The following SULT4A1 variants were observed in gnomAD, a reference collection of about 807,000 sequenced individuals.
The protein encoded by SULT4A1 is sulfotransferase 4A1.
Under a neutral mutation model 35.2 loss-of-function variants are expected in SULT4A1, and 11 were observed. The ratio of observed to expected loss-of-function variants is 0.31; its 90% CI spans 0.20 to 0.52. The LOEUF (loss-of-function observed/expected upper bound fraction) is 0.52. SULT4A1 is among the 20% of genes least tolerant of loss of function. SULT4A1 has a pLI of 0.97. For synonymous variants in SULT4A1, 152 were observed against 151.8 expected (o/e 1.00, Z -0.01); for missense variants, 271 against 383.7 (o/e 0.71, Z 2.45).
intron 4 of SULT4A1, among the ~76,000 whole-genome samples, chr22:43,834,229 G>A (rs984017433): frequency 6.6e-6 from 1 of 152,070 alleles, no homozygotes; most frequent in African/African-American, 2.4e-5. Flanking sequence ...AGCTGAAGAC[G>A]GGCAGGGAGT....
chr22:43,856,817 T>A (rs1413204199), intron 1 of SULT4A1, among the ~76,000 whole-genome samples: 1 of 152,094 alleles, frequency 6.6e-6, no homozygotes, highest in African/African-American at 2.4e-5. Context: ...CAATTCCTTA[T>A]ACTAATGGCC....
intron 1 of SULT4A1, among the ~76,000 whole-genome samples, chr22:43,860,970 G>A (rs911653582): frequency 2.1e-4 from 32 of 152,114 alleles, no homozygotes; most frequent in African/African-American, 7.0e-4. Context: ...CTGAAAAAAA[G>A]GTGTAAGAGT....
chr22:43,836,090 G>A (rs1374090394), intron 4 of SULT4A1, among the ~76,000 whole-genome samples: 8 of 152,272 alleles, frequency 5.3e-5, no homozygotes, highest in Admixed American at 2.0e-4. Flanking sequence ...GAGAAGACAC[G>A]GTCACAGAGG....
chr22:43,843,579 C>T (rs1021833753), intron 1 of SULT4A1, among the ~76,000 whole-genome samples: 1 of 152,234 alleles, frequency 6.6e-6, no homozygotes, highest in Non-Finnish European at 1.5e-5. Context: ...TTTGTCCAGT[C>T]CCATTTCTAC....
At chr22:43,851,890 G>T (rs1046457221) in intron 1 of SULT4A1, among the ~76,000 whole-genome samples, 11 of 152,132 alleles carry the variant, frequency 7.2e-5, no homozygotes, top group Non-Finnish European at 5.9e-5. Context: ...GTTCCCACCT[G>T]GCCACCCTCA....
Position 43,832,037 on chromosome 22 carries a change from G to A in SULT4A1, c.603+1603C>T, listed in dbSNP as rs546897767. On this transcript the variant is annotated intron_variant, in intron 5 of 6. Coordinates refer to ENST00000330884, the MANE Select transcript of SULT4A1 (RefSeq NM_014351.4). ...TCCCCACTTTACAGAGGCTTGGGGT[G>A]GTCAGGACTTTGGCCTGAGCAGCCA... Among the ~76,000 whole-genome samples, 6 of 152,302 alleles carry A rather than the reference G, an allele frequency of 3.9e-5. No individual in the cohort carries two copies. The South Asian group carries it at 1.0e-3, about 26-fold the overall frequency.
chr22:43,842,045 C>G, intron 1 of SULT4A1, 113 bp from the exon 2 acceptor site: 1 of 1,446,500 alleles, frequency 6.9e-7, no homozygotes, highest in East Asian at 2.5e-5. Flanking sequence ...CAGGTGGGGC[C>G]CAGGGCGACT....
intron 5 of SULT4A1, among the ~76,000 whole-genome samples, chr22:43,833,230 A>G (rs1407176665): frequency 6.6e-6 from 1 of 151,624 alleles, no homozygotes; most frequent in East Asian, 1.9e-4. Flanking sequence ...CTTTCTCCCA[A>G]CACCTAGAAA....
chr22:43,856,760 C>T (rs895437969), intron 1 of SULT4A1, among the ~76,000 whole-genome samples: 7 of 152,158 alleles, frequency 4.6e-5, no homozygotes. Context: ...TCAAGGTAAT[C>T]AGATCAACAC....
At chr22:43,861,435 C>T (rs1212340345) in intron 1 of SULT4A1, among the ~76,000 whole-genome samples, 2 of 152,216 alleles carry the variant, frequency 1.3e-5, no homozygotes, top group East Asian at 3.8e-4. Context: ...CAATCTCCTA[C>T]CTCAGGTCTG....
chr22:43,843,907 C>T (rs1035947207), intron 1 of SULT4A1, among the ~76,000 whole-genome samples: 3 of 152,182 alleles, frequency 2.0e-5, no homozygotes, highest in Admixed American at 6.5e-5. Flanking sequence ...GGGTGAGACA[C>T]ACAGGCAAAA....
intron 1 of SULT4A1, among the ~76,000 whole-genome samples, chr22:43,859,908 C>T (rs907582635): frequency 5.9e-5 from 9 of 152,212 alleles, no homozygotes; most frequent in African/African-American, 1.7e-4. Context: ...GAGGGTCCTA[C>T]GCTGGAGAGC....
At chr22:43,839,871 T>C in intron 3 of SULT4A1, 74 bp downstream of exon 3, 2 of 1,394,960 alleles carry the variant, frequency 1.4e-6, no homozygotes, top group Non-Finnish European at 2.0e-6. Flanking sequence ...GGGACCTGCA[T>C]GTGTATTGCA....
At position 43,837,432 on chromosome 22, in the gene SULT4A1, C is replaced by T. The variant is rs539262713; in HGVS notation, c.508+1435G>A. Among the ~76,000 whole-genome samples the T allele has an allele frequency of 2.0e-5, 3 of 152,284 alleles. No individual in the cohort carries two copies. In the South Asian group the frequency reaches 6.2e-4, roughly 32 times the overall value. On this transcript the variant is annotated intron_variant, in intron 4 of 6. Coordinates refer to ENST00000330884, the MANE Select transcript of SULT4A1 (RefSeq NM_014351.4). Reference sequence around the variant, plus strand: ...TGCAGAGAGCAGAGTCCATGCTGGACCCTAGGAAACAGCTTCAGAAGTCCA... The same window carrying T: ...TGCAGAGAGCAGAGTCCATGCTGGATCCTAGGAAACAGCTTCAGAAGTCCA...
Position 43,862,355 on chromosome 22 carries a change from T to C in SULT4A1, c.28A>G (p.Ser10Gly), listed in dbSNP as rs766972038. The C allele has an allele frequency of 3.3e-6, 5 of 1,504,446 alleles. No individual in the cohort carries two copies. In the Admixed American group the frequency reaches 7.9e-5, roughly 24 times the overall value. The allele number at this position is 1,504,446 out of a possible 1,614,324, so 93.2% of individuals were successfully genotyped here. A position where few individuals can be genotyped will look rare whatever the true frequency, so the allele number is the denominator to read the frequency against. ...TTGCTCTCGAACTCCCCCGGGGTGC[T>C]GGGGGTCTCGGCCTCGCTCTCCGCC... MAESEAETP[S>G]TPGEFESKYF... is the part of the protein sequence containing the mutation. Residue 10 changes from serine to glycine, a missense_variant, in exon 1 of 7, where the codon AGC (serine) becomes GGC (glycine). By Grantham distance (56) the Ser-to-Gly change is moderately conservative. This residue lies in a region of SULT4A1 where 164 missense variants were observed against 254.1 expected (regional missense o/e 0.65). Coordinates refer to ENST00000330884, the MANE Select transcript of SULT4A1 (RefSeq NM_014351.4).
chr22:43,838,014 C>A (rs909993555), intron 4 of SULT4A1, among the ~76,000 whole-genome samples: 1 of 152,214 alleles, frequency 6.6e-6, no homozygotes, highest in African/African-American at 2.4e-5. Flanking sequence ...TGACACATTT[C>A]AAAGCTCCTC....
chr22:43,856,585 T>C (rs966036910), intron 1 of SULT4A1, among the ~76,000 whole-genome samples: 9 of 152,202 alleles, frequency 5.9e-5, no homozygotes, highest in Non-Finnish European at 1.0e-4. Flanking sequence ...AGTCGATCAC[T>C]GGCACAGGGG....
Position 43,829,055 on chromosome 22 carries a change from C to G in SULT4A1, c.742+5G>C, listed in dbSNP as rs1417234455. ...CCTGGGCGGGAGGCAGGGTGGGGCA[C>G]GTACCCCGGCCCACGGGCAGGGCCT... On this transcript the variant is annotated splice_donor_5th_base_variant and intron_variant, in intron 6 of 6. Coordinates refer to ENST00000330884, the MANE Select transcript of SULT4A1 (RefSeq NM_014351.4). The G allele has an allele frequency of 6.6e-7, 1 of 1,522,066 alleles. No individual in the cohort carries two copies. The highest frequency in any genetic ancestry group is 1.2e-5 in the South Asian group (1 of 81,212). The allele number at this position is 1,522,066 out of a possible 1,614,324, so 94.3% of individuals were successfully genotyped here.
chr22:43,849,984 G>T, intron 1 of SULT4A1, among the ~76,000 whole-genome samples: 1 of 152,298 alleles, frequency 6.6e-6, no homozygotes, highest in East Asian at 1.9e-4. Context: ...AGGGTGGAAC[G>T]AAGGAGGTTT....
Sources: allele counts gnomAD v4.1 joint callset (sites outside exome capture counted in the v4.1 genomes callset), GRCh38; gene constraint gnomAD v4.1.1; regional missense constraint gnomAD v4.1.1; transcripts MANE v1.5; gene names NCBI Gene and HGNC (gene_info 2026-07-23, HGNC 2026-07-21).